GALNT13: variants seen among roughly 807,000 people sequenced by gnomAD.
The protein encoded by GALNT13 is polypeptide N-acetylgalactosaminyltransferase 13, also known as UDP-GalNAc:polypeptide N-acetylgalactosaminyltransferase 13.
GALNT13 carries 28 observed loss-of-function variants against 64.2 expected under a neutral mutation model. That is an observed-to-expected ratio of 0.44 (90% CI 0.32 to 0.60). The LOEUF (loss-of-function observed/expected upper bound fraction) is 0.60, where lower values mean the gene tolerates loss of function less well. Ranked by LOEUF, GALNT13 falls within the 20% of genes least tolerant of loss-of-function variation. The pLI is 0.05. For missense variants in GALNT13, 577 were observed against 669.8 expected (o/e 0.86, Z 1.53); for synonymous variants, 214 against 224.6 (o/e 0.95, Z 0.42).
chr2:154,340,761 T>C (rs2105222966), intron 9 of GALNT13, among the ~76,000 whole-genome samples: 1 of 152,264 alleles, frequency 6.6e-6, no homozygotes, highest in East Asian at 1.9e-4. Flanking sequence ...TAAAAATACA[T>C]AGTATCCTCC....
chr2:153,092,342 T>C, the GALNT13 span, among the ~76,000 whole-genome samples: 1,368 of 152,318 alleles, frequency 9.0e-3, 7 homozygotes, highest in Middle Eastern at 0.044. Flanking sequence ...TGGTTTCATA[T>C]ACATTTTAGG....
At chr2:154,101,749 A>C (rs952427234) in intron 3 of GALNT13, among the ~76,000 whole-genome samples, 1 of 151,870 alleles carries the variant, frequency 6.6e-6, no homozygotes, top group African/African-American at 2.4e-5. Flanking sequence ...TTAAATTATT[A>C]ATTTGATATC....
chr2:153,888,083 CTCTTT>C (rs1687308265), intron 1 of GALNT13, among the ~76,000 whole-genome samples: 1 of 151,886 alleles, frequency 6.6e-6, no homozygotes, highest in Non-Finnish European at 1.5e-5. Flanking sequence ...AATTCCACTT[CTCTTT>C]TCTTATCAAG....
At chr2:153,913,441 G>C (rs2105320672) in intron 2 of GALNT13, among the ~76,000 whole-genome samples, 1 of 152,310 alleles carries the variant, frequency 6.6e-6, no homozygotes, top group Middle Eastern at 3.4e-3. Flanking sequence ...AGGTTGGACA[G>C]TTCCCCTAAG....
downstream of GALNT13, chr2:154,454,707 G>A (rs1360507459): frequency 6.6e-6 from 1 of 151,946 alleles, no homozygotes; most frequent in East Asian, 1.9e-4. Context: ...ATTCTTACTA[G>A]TCATTTAAAT....
the GALNT13 span, among the ~76,000 whole-genome samples, chr2:153,679,000 C>T: frequency 1.3e-5 from 2 of 152,006 alleles, no homozygotes; most frequent in African/African-American, 2.4e-5. Flanking sequence ...CTCAGCTTCT[C>T]TGGGCCAGGA....
intron 4 of GALNT13, among the ~76,000 whole-genome samples, chr2:154,150,938 G>A (rs986751983): frequency 1.3e-5 from 2 of 152,004 alleles, no homozygotes; most frequent in East Asian, 1.9e-4. Flanking sequence ...CTTCAGTTCC[G>A]CTCTGATTTT....
chr2:153,639,523 A>G, the GALNT13 span, among the ~76,000 whole-genome samples: 1 of 152,138 alleles, frequency 6.6e-6, no homozygotes, highest in East Asian at 1.9e-4. Flanking sequence ...TGTTTTTGAC[A>G]AGAGTGATAG....
chr2:153,796,221 T>C, the GALNT13 span, among the ~76,000 whole-genome samples: 4 of 152,326 alleles, frequency 2.6e-5, no homozygotes, highest in South Asian at 8.3e-4. Flanking sequence ...TCATTTCCCA[T>C]GGTCAGGTTT....
intron 3 of GALNT13, among the ~76,000 whole-genome samples, chr2:154,042,369 T>C (rs1391935251): frequency 7.5e-6 from 1 of 134,226 alleles, no homozygotes; most frequent in Non-Finnish European, 1.7e-5. Context: ...ATTTGCTCCC[T>C]ACTTTCAAAG....
chr2:153,077,611 A>T, the GALNT13 span, among the ~76,000 whole-genome samples: 1 of 152,170 alleles, frequency 6.6e-6, no homozygotes, highest in South Asian at 2.1e-4. Context: ...TTGCTGTCTA[A>T]TGTAAGCATG....
upstream of GALNT13, among the ~76,000 whole-genome samples, chr2:153,868,891 C>T (rs1047370942): frequency 1.3e-5 from 2 of 152,144 alleles, no homozygotes; most frequent in African/African-American, 4.8e-5. Flanking sequence ...AAAAATATGA[C>T]TTTTTAATAA....
the GALNT13 span, among the ~76,000 whole-genome samples, chr2:153,707,128 G>A: frequency 6.6e-6 from 1 of 152,086 alleles, no homozygotes; most frequent in Non-Finnish European, 1.5e-5. Flanking sequence ...CCATGATTGT[G>A]AGGCTTCCCA....
the GALNT13 span, among the ~76,000 whole-genome samples, chr2:153,645,471 A>G: frequency 9.2e-5 from 14 of 152,138 alleles, 1 homozygote. Context: ...ATTCTGAGAT[A>G]AAGTGATTTA....
chr2:154,193,073 G>T (rs917888969), intron 4 of GALNT13, among the ~76,000 whole-genome samples: 2 of 152,150 alleles, frequency 1.3e-5, no homozygotes, highest in African/African-American at 4.8e-5. Flanking sequence ...TTGTGTGTCA[G>T]ATCAACATAG....
At chr2:153,402,548 A>T in the GALNT13 span, among the ~76,000 whole-genome samples, 1 of 152,134 alleles carries the variant, frequency 6.6e-6, no homozygotes, top group African/African-American at 2.4e-5. Context: ...CATTCTCCCC[A>T]TCACTTTCAG....
In GALNT13 at chr2:154,315,725, A is replaced by T. The variant is rs114034174; in HGVS notation, c.1156+14136A>T. ...ATTGTTATATTTTACAAATTGATTT[A>T]ACTGGAGTTTCAAAATAATGAAAGA... On this transcript the variant is annotated intron_variant, in intron 9 of 12. Transcript: ENST00000392825. Among the ~76,000 whole-genome samples, 1,349 of 152,358 alleles carry T rather than the reference A, an allele frequency of 8.9e-3. 14 individuals carry two copies. Among genetic ancestry groups the T allele is most frequent in the South Asian group, 0.035 (170 of 4,832 alleles).
At chr2:153,141,811 T>TTC in the GALNT13 span, among the ~76,000 whole-genome samples, 2 of 152,164 alleles carry the variant, frequency 1.3e-5, no homozygotes, top group East Asian at 3.9e-4. Context: ...TAAGCCTATT[T>TTC]TCTCTGTTAA....
chr2:154,254,531 T>C (rs1388974719), intron 7 of GALNT13, among the ~76,000 whole-genome samples: 6 of 151,676 alleles, frequency 4.0e-5, no homozygotes, highest in South Asian at 4.2e-4. Flanking sequence ...TTAGCAAACA[T>C]AGAAGACTAA....
Sources: gnomAD v4.1 joint callset for allele counts (sites outside exome capture counted in the v4.1 genomes callset) on GRCh38, gnomAD v4.1.1 for gene constraint, MANE v1.5 for transcripts, NCBI Gene and HGNC (gene_info 2026-07-23, HGNC 2026-07-21) for gene names.